The following PRSS57 variants were observed in gnomAD, a reference collection of about 807,000 sequenced individuals.
PRSS57 encodes the protein serine protease 57, also known as neutrophil serine protease 4.
Under a neutral mutation model 20.6 loss-of-function variants are expected in PRSS57, and 19 were observed. The ratio of observed to expected loss-of-function variants is 0.92; its 90% confidence interval spans 0.64 to 1.35. The LOEUF (loss-of-function observed/expected upper bound fraction) is 1.35. PRSS57 is among the 40% of genes most tolerant of loss of function. The pLI is 0.00. For synonymous variants in PRSS57, 203 were observed against 176.6 expected (o/e 1.15, Z -1.19); for missense variants, 440 against 403.7 (o/e 1.09, Z -0.77).
In PRSS57 at chr19:694,826, C is replaced by T. The variant is rs2031741776; in HGVS notation, c.221G>A (p.Cys74Tyr). The T allele has an allele frequency of 1.2e-6, 2 of 1,607,204 alleles. No individual in the cohort carries two copies. Among genetic ancestry groups the T allele is most frequent in the Admixed American group, 1.7e-5 (1 of 59,184 alleles). The stretch of plus-strand genomic sequence containing the variant: ...CAGGTGAGCTCACCTGTGGCTGAAG[C>T]AGTGGGCGGCCGAGACCACCCAGCG... ...RARWVVSAAH[C>Y]FSHRDLRTGL... The change falls in exon 2 of 5, where the codon TGC (cysteine) becomes TAC (tyrosine). Residue 74 changes from cysteine (C) to tyrosine (Y), a missense_variant. Transcript: ENST00000329267.
intron 3 of PRSS57, among the ~76,000 whole-genome samples, chr19:687,761 C>T (rs1290678901): frequency 6.6e-6 from 1 of 152,136 alleles, no homozygotes; most frequent in African/African-American, 2.4e-5. Flanking sequence ...CCACGGCTCC[C>T]GATTGCCCTC....
Position 687,017 on chromosome 19 carries a change from G to T in PRSS57, c.550C>A (p.Pro184Thr). ...TTCCAGGAGCTGTTGCAGACGTCCGGGTCCAGCACTCGGACCTTGGCCTCC... is the reference window on the plus strand; with the variant it reads ...TTCCAGGAGCTGTTGCAGACGTCCGTGTCCAGCACTCGGACCTTGGCCTCC... Reference protein sequence around the residue: ...LMEAKVRVLDPDVCNSSWKGH... With the variant: ...LMEAKVRVLDTDVCNSSWKGH... The change falls in exon 4 of 5, where the codon CCG becomes ACG. Residue 184 changes from proline to threonine, a missense_variant. Transcript: ENST00000329267. 3.1e-6 allele frequency: 5 copies of T among 1,614,052 alleles called. No homozygotes were observed. The highest frequency in any genetic ancestry group is 2.2e-5 in the East Asian group (1 of 44,874).
At chr19:690,963 C>T (rs1467165691) in intron 3 of PRSS57, 1 of 477,294 alleles carries the variant, frequency 2.1e-6, no homozygotes, top group South Asian at 1.8e-5. Flanking sequence ...TGGCTGGTAT[C>T]GGTGACTGCT....
intron 1 of PRSS57, 53 bp downstream of exon 1, chr19:695,299 C>T (rs949330349): frequency 3.8e-5 from 35 of 923,984 alleles, no homozygotes; most frequent in Middle Eastern, 3.7e-4. Context: ...GGGTGTGGCC[C>T]CCGTACGGGG....
In PRSS57 at chr19:695,388, C is replaced by T; in HGVS notation, c.43G>A (p.Val15Met). The T allele has an allele frequency of 1.6e-6, 2 of 1,282,558 alleles. No individual in the cohort carries two copies. The highest frequency in any genetic ancestry group is 2.0e-6 in the Non-Finnish European group (2 of 1,009,412). The allele number at this position is 1,282,558 out of a possible 1,614,324, so 79.4% of individuals were successfully genotyped here. Reference sequence around the variant, plus strand: ...ACGGGCAGCATCAGGGCGGTGGCCACAGTCAGCAGAGGACGTCCCCAGCCC... The same window carrying T: ...ACGGGCAGCATCAGGGCGGTGGCCATAGTCAGCAGAGGACGTCCCCAGCCC... Reference protein sequence around the residue: ...LRGWGRPLLTVATALMLPVKP... With the variant: ...LRGWGRPLLTMATALMLPVKP... The change falls in exon 1 of 5, where the codon GTG becomes ATG. Residue 15 changes from valine to methionine, a missense_variant. By Grantham distance (21) the Val-to-Met change is conservative (BLOSUM62 1). Coordinates refer to ENST00000329267, the MANE Select transcript of PRSS57 (RefSeq NM_001308209.2).
intron 2 of PRSS57, 132 bp downstream of exon 2, chr19:694,682 T>C: frequency 9.3e-7 from 1 of 1,076,920 alleles, no homozygotes; most frequent in Non-Finnish European, 1.3e-6. Context: ...TTTGTTGCCC[T>C]TTAAATCCAG....
intron 2 of PRSS57, among the ~76,000 whole-genome samples, chr19:694,606 T>C (rs1394265074): frequency 6.6e-6 from 1 of 150,550 alleles, no homozygotes; most frequent in Non-Finnish European, 1.5e-5. Flanking sequence ...ACAGAATATG[T>C]ACTTGTTGCG....
At chr19:687,376 C>T (rs1358751633) in intron 3 of PRSS57, among the ~76,000 whole-genome samples, 188 bp from the exon 4 acceptor site, 8 of 152,180 alleles carry the variant, frequency 5.3e-5, no homozygotes, top group Non-Finnish European at 1.2e-4. Flanking sequence ...TCCAGGGTCA[C>T]CGTCAGCTGC....
chr19:692,333 C>T (rs1169235598), intron 2 of PRSS57, among the ~76,000 whole-genome samples: 1 of 151,398 alleles, frequency 6.6e-6, no homozygotes, highest in Non-Finnish European at 1.5e-5. Context: ...TGCACCATTG[C>T]ACTCCAGCCT....
intron 2 of PRSS57, among the ~76,000 whole-genome samples, chr19:693,183 G>A (rs1262436138): frequency 6.8e-6 from 1 of 147,846 alleles, no homozygotes; most frequent in East Asian, 2.0e-4. Context: ...CGCCTGCCTC[G>A]GCCTCCCAAA....
Position 694,958 on chromosome 19 carries a change from C to T in PRSS57, c.89G>A (p.Gly30Glu), listed in dbSNP as rs776563968. ...MLPVKPPGSW[G>E]AQIIGGHEVT... ...CTCGTGGCCCCCGATGATCTGGGCCCCCCAGGAGCCTGCTGGAGGGACGGC... is the reference window on the plus strand; with the variant it reads ...CTCGTGGCCCCCGATGATCTGGGCCTCCCAGGAGCCTGCTGGAGGGACGGC... Residue 30 changes from glycine to glutamate, a missense_variant, in exon 2 of 5, where the codon GGG becomes GAG. Coordinates refer to ENST00000329267, the MANE Select transcript of PRSS57 (RefSeq NM_001308209.2). The T allele has an allele frequency of 1.4e-5, 21 of 1,544,980 alleles. 1 individual carries two copies. The highest frequency in any genetic ancestry group is 2.1e-5 in the Admixed American group (1 of 48,628).
At position 694,896 on chromosome 19, in the gene PRSS57, G is replaced by A. The variant is rs749934181; in HGVS notation, c.151C>T (p.Arg51Cys). Residue 51 changes from arginine to cysteine, a missense_variant, in exon 2 of 5, where the codon CGC becomes TGC. Arg to Cys is a radical substitution (Grantham distance 180). Coordinates refer to ENST00000329267, the MANE Select transcript of PRSS57 (RefSeq NM_001308209.2). ...PHSRPYMASV[R>C]FGGQHHCGGF... ...CCGCAGTGATGTTGGCCCCCGAAGC[G>A]CACGGATGCCATGTAGGGCCTGGAG... is the stretch of plus-strand genomic sequence containing the variant. 10 of 1,603,446 alleles carry A rather than the reference G, an allele frequency of 6.2e-6. No individual in the cohort carries two copies. The highest frequency in any genetic ancestry group is 2.7e-5 in the African/African-American group (2 of 74,822).
At chr19:686,733 C>T (rs1391887879) in intron 4 of PRSS57, among the ~76,000 whole-genome samples, 192 bp downstream of exon 4, 7 of 152,150 alleles carry the variant, frequency 4.6e-5, no homozygotes, top group South Asian at 2.1e-4. Context: ...TTGTGCAGTG[C>T]GCAACCTGCA....
Position 685,699 on chromosome 19 carries a change from T to C in PRSS57, c.*17A>G, listed in dbSNP as rs376875480. Reference sequence around the variant, plus strand: ...GCCTGGAGCGGCCATCTCATTTGCATGCCGCAAGGTTGTGGCTCAGGCGGC... The same window carrying C: ...GCCTGGAGCGGCCATCTCATTTGCACGCCGCAAGGTTGTGGCTCAGGCGGC... On this transcript the variant is annotated 3_prime_UTR_variant, in exon 5 of 5. Coordinates refer to ENST00000329267, the MANE Select transcript of PRSS57 (RefSeq NM_001308209.2). 1.3e-6 allele frequency: 2 copies of C among 1,507,618 alleles called. No individual in the cohort carries two copies. The highest frequency in any genetic ancestry group is 1.8e-6 in the Non-Finnish European group (2 of 1,118,236). 93.4% of individuals were successfully genotyped at this position (1,507,618 alleles called of 1,614,324 possible).
rs1017833572 is a variant in PRSS57 at position 685,894 on chromosome 19, C to G, written c.671G>C (p.Arg224Thr). 10 of 1,550,054 alleles carry G rather than the reference C, an allele frequency of 6.5e-6. No individual in the cohort carries two copies. The Admixed American group carries it at 7.8e-5, about 12-fold the overall frequency. Residue 224 changes from arginine (R) to threonine (T), a missense_variant, in exon 5 of 5, where the codon AGG becomes ACG. Physicochemically the swap from Arg to Thr is moderately conservative, Grantham distance 71. Transcript: ENST00000329267. ...SADSGGPLVC[R>T]NRAHGLVSFS... ...GGAAACGAGGCCGTGAGCCCGGTTCCTGCACACCAGGGGCCCTCCGGAGTC... is the reference window on the plus strand; with the variant it reads ...GGAAACGAGGCCGTGAGCCCGGTTCGTGCACACCAGGGGCCCTCCGGAGTC...
chr19:685,737 C>G lies in PRSS57; in HGVS notation c.828G>C (p.Arg276Ser), dbSNP rs1264997873. The change falls in exon 5 of 5, where the codon AGG becomes AGC. Residue 276 changes from arginine to serine, a missense_variant. By Grantham distance (110) the Arg-to-Ser change is moderately radical. Coordinates refer to ENST00000329267, the MANE Select transcript of PRSS57 (RefSeq NM_001308209.2). ...PQPGPLPGTT[R>S]PPGEAA is the part of the protein sequence containing the mutation. The stretch of plus-strand genomic sequence containing the variant: ...TGGCTCAGGCGGCTTCTCCTGGGGG[C>G]CTGGTGGTCCCAGGCAGGGGGCCGG... 33 of 1,552,062 alleles carry G rather than the reference C, an allele frequency of 2.1e-5. No individual in the cohort carries two copies. The highest frequency in any genetic ancestry group is 2.9e-5 in the Non-Finnish European group (33 of 1,144,024).
chr19:691,853 C>T lies in PRSS57; in HGVS notation c.378+5G>A. 7.5e-7 allele frequency: 1 copy of T among 1,328,846 alleles called. No individual in the cohort carries two copies. Among genetic ancestry groups the T allele is most frequent in the East Asian group, 2.8e-5 (1 of 35,726 alleles). 82.3% of individuals were successfully genotyped at this position (1,328,846 alleles called of 1,614,324 possible). Reference sequence around the variant, plus strand: ...ACATACGTCAGATCCACCCCCGGGGCTCACCCGCAGCAGGCAGATGTCGTT... The same window carrying T: ...ACATACGTCAGATCCACCCCCGGGGTTCACCCGCAGCAGGCAGATGTCGTT... On this transcript the variant is annotated splice_donor_5th_base_variant and intron_variant, in intron 3 of 4. Transcript: ENST00000329267.
chr19:691,342 A>G (rs1330741204), intron 3 of PRSS57, among the ~76,000 whole-genome samples: 7 of 151,598 alleles, frequency 4.6e-5, no homozygotes, highest in African/African-American at 9.7e-5. Context: ...CATCTCTACT[A>G]AAAACACAAA....
At chr19:693,441 T>C (rs2031706738) in intron 2 of PRSS57, among the ~76,000 whole-genome samples, 1 of 151,988 alleles carries the variant, frequency 6.6e-6, no homozygotes, top group Non-Finnish European at 1.5e-5. Context: ...CGGCTGCCCG[T>C]CTGGGCCTCA....
Sources: gnomAD v4.1 joint callset for allele counts (sites outside exome capture counted in the v4.1 genomes callset) on GRCh38, gnomAD v4.1.1 for gene constraint, MANE v1.5 for transcripts, NCBI Gene and HGNC (gene_info 2026-07-23, HGNC 2026-07-21) for gene names.